Variants in UTRN observed in about 807,000 individuals in gnomAD.
The protein encoded by UTRN is dystrophin-related protein 1.
Under a neutral mutation model 463.9 loss-of-function variants are expected in UTRN, and 283 were observed. The observed-to-expected ratio is 0.61, with a 90% CI of 0.55 to 0.67. The LOEUF is 0.67. UTRN is among the 30% of genes least tolerant of loss of function. UTRN has a pLI of 0.00. For synonymous variants in UTRN, 1,442 were observed against 1,431.5 expected, an observed-to-expected ratio of 1.01 and a Z score of -0.17; for missense variants, 3,922 against 4,084.3, an observed-to-expected ratio of 0.96 and a Z score of 1.08.
At chr6:144,808,297 C>T (rs1778322913) in intron 65 of UTRN, among the ~76,000 whole-genome samples, 1 of 151,358 alleles carries the variant, frequency 6.6e-6, no homozygotes, top group South Asian at 2.1e-4. Context: ...TTTGTATTAT[C>T]CATGCATTAA....
chr6:144,423,525 T>C (rs766917844), intron 4 of UTRN, 24 bp from the exon 5 acceptor site: 2 of 1,612,348 alleles, frequency 1.2e-6, no homozygotes, highest in East Asian at 4.5e-5. Flanking sequence ...TCAGTTTTAC[T>C]TGCTTTTTTG....
At chr6:144,513,240 T>C (rs1795326883) in intron 35 of UTRN, among the ~76,000 whole-genome samples, 1 of 152,144 alleles carries the variant, frequency 6.6e-6, no homozygotes, top group Non-Finnish European at 1.5e-5. Context: ...TTTTAAAAAA[T>C]TATTCCTTAA....
rs1342522684 is a variant in UTRN at position 144,346,183 on chromosome 6, A to AT, written c.79+54276_79+54277insT. Among the ~76,000 whole-genome samples the AT allele has an allele frequency of 9.4e-5, 14 of 149,714 alleles. 1 individual carries two copies. The highest frequency in any genetic ancestry group is 2.5e-4 in the African/African-American group (10 of 39,398). Reference sequence around the variant, plus strand: ...AAAGAGCAAAACTCTGTCTCAAAAAAAAAAAAAATAAAATAAAAAAGCAGG... The same window carrying AT: ...AAAGAGCAAAACTCTGTCTCAAAAAATAAAAAAAATAAAATAAAAAAGCAGG... On this transcript the variant is annotated intron_variant, in intron 2 of 74. Transcript: ENST00000367545.
At chr6:144,615,684 A>G (rs1806008226) in intron 51 of UTRN, among the ~76,000 whole-genome samples, 1 of 152,110 alleles carries the variant, frequency 6.6e-6, no homozygotes, top group Non-Finnish European at 1.5e-5. Flanking sequence ...CTTCATTTTC[A>G]TGGTTAATCC....
chr6:144,702,693 A>ACTTAG (rs1784713074), intron 53 of UTRN, among the ~76,000 whole-genome samples: 1 of 152,194 alleles, frequency 6.6e-6, no homozygotes, highest in Non-Finnish European at 1.5e-5. Flanking sequence ...TGTAGTAAGC[A>ACTTAG]CTTAGCAACC....
At chr6:144,772,365 T>A (rs1483094608) in intron 59 of UTRN, among the ~76,000 whole-genome samples, 2 of 152,140 alleles carry the variant, frequency 1.3e-5, no homozygotes, top group African/African-American at 4.8e-5. Context: ...TCACCAGCCT[T>A]TCTTACATGG....
chr6:144,590,851 CA>C (rs1318445862), intron 51 of UTRN, among the ~76,000 whole-genome samples: 1 of 126,778 alleles, frequency 7.9e-6, no homozygotes, highest in Non-Finnish European at 1.6e-5. Context: ...TCTACACACA[CA>C]CACACACACA....
At chr6:144,539,546 G>T in intron 45 of UTRN, 103 bp downstream of exon 45, 1 of 1,241,836 alleles carries the variant, frequency 8.1e-7, no homozygotes, top group Non-Finnish European at 1.1e-6. Flanking sequence ...TCCAAATGGG[G>T]CAAATTTTAC....
At chr6:144,456,217 A>G (rs1164343061) in intron 19 of UTRN, among the ~76,000 whole-genome samples, 1 of 152,178 alleles carries the variant, frequency 6.6e-6, no homozygotes. Context: ...TAAAACCCAT[A>G]TTTGAATAAT....
chr6:144,464,943 C>A (rs746654639), intron 23 of UTRN, among the ~76,000 whole-genome samples: 1 of 152,096 alleles, frequency 6.6e-6, no homozygotes, highest in Non-Finnish European at 1.5e-5. Flanking sequence ...GATTCTCAAC[C>A]GGGGTGATTT....
intron 54 of UTRN, among the ~76,000 whole-genome samples, chr6:144,731,633 G>T (rs564257243): frequency 1.9e-4 from 29 of 152,064 alleles, no homozygotes; most frequent in Non-Finnish European, 3.8e-4. Flanking sequence ...TTCCCATCAA[G>T]ACCATAATCT....
rs137979046 is a variant in UTRN at position 144,680,290 on chromosome 6, T to G, written c.7652+1712T>G. Among the ~76,000 whole-genome samples the G allele has an allele frequency of 6.0e-4, 91 of 152,270 alleles. No individual in the cohort carries two copies. In the East Asian group the frequency reaches 0.015, roughly 25 times the overall value. On this transcript the variant is annotated intron_variant, in intron 52 of 74. Coordinates refer to ENST00000367545, the MANE Select transcript of UTRN (RefSeq NM_007124.3). The stretch of plus-strand genomic sequence containing the variant: ...AGTAAAAAGTTACAGACAAGAAATT[T>G]TTGGTCTTTCTTGGGAGTTATTGCC...
intron 2 of UTRN, among the ~76,000 whole-genome samples, chr6:144,362,582 C>G (rs1455104876): frequency 6.6e-6 from 1 of 152,138 alleles, no homozygotes; most frequent in East Asian, 1.9e-4. Flanking sequence ...TGATTAATAA[C>G]TGGATGGGAT....
At chr6:144,373,325 A>T (rs1780172314) in intron 2 of UTRN, among the ~76,000 whole-genome samples, 1 of 152,210 alleles carries the variant, frequency 6.6e-6, no homozygotes, top group Non-Finnish European at 1.5e-5. Context: ...ATAATGGAGT[A>T]TTATTCAGCC....
chr6:144,532,081 G>A (rs1459979177), intron 42 of UTRN, among the ~76,000 whole-genome samples: 2 of 152,126 alleles, frequency 1.3e-5, no homozygotes, highest in African/African-American at 4.8e-5. Flanking sequence ...AGGTTGCAGT[G>A]AGCCAAGATC....
chr6:144,736,695 T>C (rs753720133), intron 54 of UTRN, among the ~76,000 whole-genome samples: 6 of 152,168 alleles, frequency 3.9e-5, no homozygotes, highest in Non-Finnish European at 8.8e-5. Context: ...CTGCCCGTAG[T>C]GCATGCCATG....
chr6:144,742,959 T>C (rs1029514561), intron 54 of UTRN, among the ~76,000 whole-genome samples: 3 of 152,224 alleles, frequency 2.0e-5, no homozygotes, highest in African/African-American at 7.2e-5. Context: ...TTACCATACC[T>C]GAAATGACTT....
chr6:144,704,521 G>A (rs543829107), intron 53 of UTRN, among the ~76,000 whole-genome samples: 11 of 152,302 alleles, frequency 7.2e-5, no homozygotes, highest in East Asian at 5.8e-4. Flanking sequence ...AGCATTCTTT[G>A]TAGGTCATTG....
chr6:144,807,127 C>G (rs1214707318), intron 65 of UTRN, among the ~76,000 whole-genome samples: 4 of 152,064 alleles, frequency 2.6e-5, no homozygotes, highest in African/African-American at 9.7e-5. Flanking sequence ...ACTGCATCTC[C>G]CTTTTTAGTT....
Sources: gnomAD v4.1 joint callset for allele counts (sites outside exome capture counted in the v4.1 genomes callset) on GRCh38, gnomAD v4.1.1 for gene constraint, MANE v1.5 for transcripts, NCBI Gene and HGNC (gene_info 2026-07-23, HGNC 2026-07-21) for gene names.